Variants in UPP2 observed in about 807,000 individuals in gnomAD.
UPP2 encodes the protein uridine phosphorylase 2.
In UPP2, 23 loss-of-function variants were observed where a neutral mutation model predicts 26.7. The ratio of observed to expected loss-of-function variants is 0.86; its 90% CI spans 0.62 to 1.22. UPP2 has a LOEUF of 1.22. UPP2 is among the 50% of genes most tolerant of loss of function. The pLI is 0.00. For synonymous variants in UPP2, 127 were observed against 141.3 expected, an observed-to-expected ratio of 0.90 and a Z score of 0.72; for missense variants, 387 against 396.7, an observed-to-expected ratio of 0.98 and a Z score of 0.21.
rs1683896812 is a variant in UPP2 at position 158,134,794 on chromosome 2, G to A, written c.858G>A (p.Gln286=). ...TTCTCGACAGACTCGACTGTGATCA[G>A]ATCAACTTGCCTCATGATGTCCTGG... The part of the protein sequence containing the change: ...VTLLDRLDCD[Q]INLPHDVLVE... Residue 286 remains glutamine, a synonymous_variant, in exon 7 of 7, where the codon CAG becomes CAA. Coordinates refer to ENST00000005756, the MANE Select transcript of UPP2 (RefSeq NM_173355.4). 2 of 1,613,742 alleles carry A rather than the reference G, an allele frequency of 1.2e-6. No individual in the cohort carries two copies. The highest frequency in any genetic ancestry group is 1.7e-5 in the Admixed American group (1 of 59,960).
chr2:158,103,506 T>A (rs375646652), intron 1 of UPP2, among the ~76,000 whole-genome samples: 6 of 152,156 alleles, frequency 3.9e-5, no homozygotes, highest in East Asian at 1.9e-4. Context: ...CCCCTGGTGG[T>A]TCTGATATGT....
chr2:158,021,042 C>T (rs1683742837), intron 3 of UPP2, among the ~76,000 whole-genome samples: 1 of 152,110 alleles, frequency 6.6e-6, no homozygotes, highest in Non-Finnish European at 1.5e-5. Context: ...GGGCCATGAA[C>T]CCCTCTGGCA....
intron 3 of UPP2, among the ~76,000 whole-genome samples, chr2:158,085,505 T>C (rs1455720088): frequency 1.3e-5 from 2 of 152,114 alleles, no homozygotes; most frequent in Non-Finnish European, 2.9e-5. Flanking sequence ...ATTTGTCTTG[T>C]CTAATTTCTC....
rs144652422 is a variant in UPP2 at position 158,027,722 on chromosome 2, C to T, written c.147+11836C>T. Among the ~76,000 whole-genome samples the T allele has an allele frequency of 5.9e-5, 9 of 152,314 alleles. No homozygotes were observed. The East Asian group carries it at 1.7e-3, about 29-fold the overall frequency. On this transcript the variant is annotated intron_variant, in intron 3 of 9. Transcript: ENST00000605860. ...TCTGCACTGACCTAGCAGTAATTCT[C>T]CATGAGTGCCCCACCCCTGCAGCAA...
intron 2 of UPP2, among the ~76,000 whole-genome samples, chr2:158,006,071 C>G (rs1316420875): frequency 6.6e-6 from 1 of 152,190 alleles, no homozygotes; most frequent in Non-Finnish European, 1.5e-5. Context: ...GGCTGTTAGT[C>G]CTAAAGGGCA....
intron 3 of UPP2, among the ~76,000 whole-genome samples, chr2:158,074,789 G>A (rs909973584): frequency 9.4e-5 from 14 of 149,404 alleles, no homozygotes; most frequent in Non-Finnish European, 1.9e-4. Context: ...GATTGCAAAT[G>A]GACCAGACTC....
At position 158,117,803 on chromosome 2, in the gene UPP2, ACTTTCT is replaced by A; in HGVS notation, c.340-12_340-7del. 1 of 1,563,890 alleles carries A rather than the reference ACTTTCT, an allele frequency of 6.4e-7. No individual in the cohort carries two copies. Among genetic ancestry groups the A allele is most frequent in the Non-Finnish European group, 8.8e-7 (1 of 1,134,742 alleles). ...GTATCACTTTGCAAGATGTATGATGACTTTCTCTTTCTCTCAATAGCACGGCATGGG... is the reference window on the plus strand; with the variant it reads ...GTATCACTTTGCAAGATGTATGATGACTTTCTCTCAATAGCACGGCATGGG... On this transcript the variant is annotated splice_polypyrimidine_tract_variant and intron_variant, in intron 3 of 6. Coordinates refer to ENST00000005756, the MANE Select transcript of UPP2 (RefSeq NM_173355.4).
At chr2:158,011,965 C>T (rs1441425387) in intron 2 of UPP2, among the ~76,000 whole-genome samples, 1 of 152,090 alleles carries the variant, frequency 6.6e-6, no homozygotes, top group Non-Finnish European at 1.5e-5. Flanking sequence ...TGGCTATGGC[C>T]GTATATGGTC....
chr2:158,079,261 A>T (rs889085929), intron 3 of UPP2, among the ~76,000 whole-genome samples: 1 of 152,098 alleles, frequency 6.6e-6, no homozygotes, highest in African/African-American at 2.4e-5. Context: ...ATATATACAC[A>T]TACTATGTAC....
rs557942937 is a variant in UPP2 at position 158,046,484 on chromosome 2, G to T, written c.147+30598G>T. 8.5e-4 allele frequency among the ~76,000 whole-genome samples: 129 copies of T among 152,288 alleles called. No homozygotes were observed. In the Middle Eastern group the frequency reaches 0.01, roughly 12 times the overall value. The stretch of plus-strand genomic sequence containing the variant: ...TTGTTTTTCTGTGCCAGGTTGTATG[G>T]ATTGAGATTTGAATTTTGGGTTAGG... On this transcript the variant is annotated intron_variant, in intron 3 of 9. Transcript: ENST00000605860.
In UPP2 at chr2:158,018,590, G is replaced by C. The variant is rs558766657; in HGVS notation, c.147+2704G>C. ...GTGCATGGCTGTTTCCCAGGTGGCA[G>C]TGGGGGAAGGGGGCTGCATAATCTC... On this transcript the variant is annotated intron_variant, in intron 3 of 9. Transcript: ENST00000605860. Among the ~76,000 whole-genome samples the C allele has an allele frequency of 6.6e-5, 10 of 152,350 alleles. No individual in the cohort carries two copies. In the East Asian group the frequency reaches 1.4e-3, roughly 21 times the overall value.
At chr2:158,128,475 T>G (rs999909092) in intron 6 of UPP2, among the ~76,000 whole-genome samples, 18 of 152,336 alleles carry the variant, frequency 1.2e-4, no homozygotes, top group Admixed American at 9.2e-4. Flanking sequence ...AATCCAGATT[T>G]TGAAAAATCT....
rs559635181 is a variant in UPP2 at position 158,106,085 on chromosome 2, AT to A, written c.63-5del. ...AATTCTTTTATATCTTCTTTGTATA[AT>A]TTTTTTTTCCAGAAAAAGGTTTGTT... On this transcript the variant is annotated splice_polypyrimidine_tract_variant and intron_variant, in intron 1 of 6. Transcript: ENST00000005756. 223 of 1,527,732 alleles carry A rather than the reference AT, an allele frequency of 1.5e-4. 1 individual carries two copies. The Admixed American group carries it at 2.3e-3, about 15-fold the overall frequency. The allele number at this position is 1,527,732 out of a possible 1,614,324, so 94.6% of individuals were successfully genotyped here.
chr2:158,031,495 G>A (rs1683920196), intron 3 of UPP2, among the ~76,000 whole-genome samples: 1 of 152,210 alleles, frequency 6.6e-6, no homozygotes, highest in Non-Finnish European at 1.5e-5. Flanking sequence ...GGCCCTGGAG[G>A]AGGCTTAGGG....
rs1416806214 is a variant in UPP2, at chr2:158,011,906, G to A, written c.62-3895G>A. On this transcript the variant is annotated intron_variant, in intron 2 of 9. Transcript: ENST00000605860. Reference sequence around the variant, plus strand: ...GTGTTTGCTATTTCCTGGAGCTGAAGAAACCACAAGGTTCCTTTCCTTCTA... The same window carrying A: ...GTGTTTGCTATTTCCTGGAGCTGAAAAAACCACAAGGTTCCTTTCCTTCTA... Among the ~76,000 whole-genome samples the A allele has an allele frequency of 3.3e-5, 5 of 152,174 alleles. No individual in the cohort carries two copies. In the East Asian group the frequency reaches 9.6e-4, roughly 29 times the overall value.
At chr2:158,061,758 G>A (rs184130446) in intron 3 of UPP2, among the ~76,000 whole-genome samples, 25 of 152,312 alleles carry the variant, frequency 1.6e-4, no homozygotes, top group African/African-American at 5.8e-4. Context: ...GGATGGACTC[G>A]AAGCTGTGTG....
chr2:157,999,617 C>T (rs1160275564), intron 2 of UPP2, among the ~76,000 whole-genome samples: 4 of 152,136 alleles, frequency 2.6e-5, no homozygotes, highest in Admixed American at 1.3e-4. Flanking sequence ...CACATAATAA[C>T]GTTTTGGCCA....
intron 3 of UPP2, among the ~76,000 whole-genome samples, chr2:158,016,867 C>A (rs1277219537): frequency 1.3e-5 from 2 of 152,072 alleles, no homozygotes; most frequent in African/African-American, 4.8e-5. Flanking sequence ...ATTTTTCCCT[C>A]TGAACAAAAA....
chr2:158,111,542 A>C (rs12465565), intron 2 of UPP2, among the ~76,000 whole-genome samples: 85,039 of 151,902 alleles, frequency 0.56, 24,258 homozygotes, highest in African/African-American at 0.62. Flanking sequence ...TGTGTCTTAA[A>C]TGGGTGCTTA....
Sources: allele counts gnomAD v4.1 joint callset (sites outside exome capture counted in the v4.1 genomes callset), GRCh38; gene constraint gnomAD v4.1.1; transcripts MANE v1.5; gene names NCBI Gene and HGNC (gene_info 2026-07-23, HGNC 2026-07-21).